Variants in TMEM196 observed in about 807,000 individuals in gnomAD.
TMEM196 encodes transmembrane protein 196.
TMEM196 carries 17 observed loss-of-function variants against 20.0 expected under a neutral mutation model. The observed-to-expected ratio is 0.85, with a 90% CI of 0.58 to 1.27. The LOEUF is 1.27. Among genes scored for constraint, TMEM196 ranks in the 50% most tolerant of loss-of-function variants. The pLI, the probability that TMEM196 is intolerant of heterozygous loss-of-function variation, is 0.00. For synonymous variants in TMEM196, 113 were observed against 88.9 expected (o/e 1.27, Z -1.52); for missense variants, 267 against 223.0 (o/e 1.20, Z -1.26).
chr7:19,732,579 A>C (rs1249235728), intron 1 of TMEM196, among the ~76,000 whole-genome samples: 1 of 132,326 alleles, frequency 7.6e-6, no homozygotes, highest in Non-Finnish European at 1.6e-5. Flanking sequence ...TCTCAAAAAA[A>C]AAAAACAAAA....
At chr7:19,766,836 G>T (rs1785651480) in intron 1 of TMEM196, among the ~76,000 whole-genome samples, 1 of 151,846 alleles carries the variant, frequency 6.6e-6, no homozygotes, top group South Asian at 2.1e-4. Flanking sequence ...AAAACCAAAT[G>T]AATATACAAA....
chr7:19,726,858 T>C (rs2128013742), intron 2 of TMEM196, among the ~76,000 whole-genome samples: 1 of 152,302 alleles, frequency 6.6e-6, no homozygotes. Flanking sequence ...TCCATTCTTC[T>C]CGGGAACACA....
intron 1 of TMEM196, among the ~76,000 whole-genome samples, chr7:19,732,801 G>T (rs758478989): frequency 1.3e-5 from 2 of 152,052 alleles, no homozygotes; most frequent in Non-Finnish European, 2.9e-5. Context: ...AAAATTAAAT[G>T]CATCTTATTT....
intron 1 of TMEM196, among the ~76,000 whole-genome samples, chr7:19,753,614 C>A (rs957729135): frequency 6.6e-6 from 1 of 152,240 alleles, no homozygotes; most frequent in Admixed American, 6.5e-5. Flanking sequence ...AATCCCCCTG[C>A]CTCTAATTCT....
At chr7:19,723,795 T>C (rs1783892589) in intron 4 of TMEM196, among the ~76,000 whole-genome samples, 2 of 152,206 alleles carry the variant, frequency 1.3e-5, no homozygotes, top group Non-Finnish European at 2.9e-5. Flanking sequence ...GGGAACTAAA[T>C]TTAAAATGCA....
chr7:19,748,821 A>C (rs778112144), intron 1 of TMEM196, among the ~76,000 whole-genome samples: 44 of 152,210 alleles, frequency 2.9e-4, no homozygotes, highest in Admixed American at 7.2e-4. Flanking sequence ...ATTTGCCTTA[A>C]ATAATTATAT....
intron 1 of TMEM196, among the ~76,000 whole-genome samples, chr7:19,758,197 TC>T (rs1785293147): frequency 6.6e-6 from 1 of 152,156 alleles, no homozygotes; most frequent in South Asian, 2.1e-4. Context: ...TCCAAATTGA[TC>T]AATAGCTCTT....
intron 1 of TMEM196, among the ~76,000 whole-genome samples, chr7:19,731,367 A>AGATGG (rs1183668932): frequency 2.0e-5 from 3 of 152,200 alleles, no homozygotes; most frequent in Non-Finnish European, 4.4e-5. Context: ...CTGTGTCCTA[A>AGATGG]GTGTAGATGA....
At chr7:19,738,418 T>C (rs1016708617) in intron 1 of TMEM196, among the ~76,000 whole-genome samples, 11 of 152,174 alleles carry the variant, frequency 7.2e-5, no homozygotes, top group African/African-American at 2.6e-4. Flanking sequence ...CATTGGCATA[T>C]ACTCATACAT....
At chr7:19,724,831 G>A (rs1375343901) in intron 3 of TMEM196, among the ~76,000 whole-genome samples, 1 of 151,990 alleles carries the variant, frequency 6.6e-6, no homozygotes, top group Non-Finnish European at 1.5e-5. Flanking sequence ...TCCAGTAGGA[G>A]AAACCGAATT....
At chr7:19,760,466 T>C (rs572631317) in intron 1 of TMEM196, among the ~76,000 whole-genome samples, 23 of 150,310 alleles carry the variant, frequency 1.5e-4, no homozygotes, top group Admixed American at 5.3e-4. Context: ...GTTCAAGCGA[T>C]TTTTCTTCCT....
intron 1 of TMEM196, among the ~76,000 whole-genome samples, chr7:19,739,433 G>A (rs1784511125): frequency 6.6e-6 from 1 of 152,056 alleles, no homozygotes; most frequent in Non-Finnish European, 1.5e-5. Flanking sequence ...AATTGCTATA[G>A]TCTGAATATT....
intron 4 of TMEM196, among the ~76,000 whole-genome samples, chr7:19,723,371 C>A (rs1783877732): frequency 6.6e-6 from 1 of 152,096 alleles, no homozygotes; most frequent in African/African-American, 2.4e-5. Flanking sequence ...GGTGCCTTTT[C>A]TCCTTCTACA....
intron 4 of TMEM196, among the ~76,000 whole-genome samples, chr7:19,723,461 A>G (rs1026682137): frequency 6.6e-6 from 1 of 152,168 alleles, no homozygotes; most frequent in African/African-American, 2.4e-5. Flanking sequence ...GAATTTAGTA[A>G]AACAATTTTT....
chr7:19,748,263 C>CAAA (rs57276805), intron 1 of TMEM196, among the ~76,000 whole-genome samples: 830 of 20,780 alleles, frequency 0.04, 170 homozygotes, highest in East Asian at 0.05. Flanking sequence ...TGTGGCTGTC[C>CAAA]AAAAAAAAAA....
At chr7:19,757,264 C>G (rs967305865) in intron 1 of TMEM196, among the ~76,000 whole-genome samples, 2 of 150,304 alleles carry the variant, frequency 1.3e-5, no homozygotes, top group African/African-American at 2.5e-5. Flanking sequence ...ACCTCCGCCT[C>G]CAAGGTTCAA....
rs372576223 is a variant in TMEM196, at chr7:19,725,625, C to T, written c.348G>A (p.Gly116=). The T allele has an allele frequency of 1.9e-6, 3 of 1,614,056 alleles. No homozygotes were observed. Among genetic ancestry groups the T allele is most frequent in the Non-Finnish European group, 2.5e-6 (3 of 1,180,000 alleles). ...TGAGCCAGGAAGAGAGAGTGCAGCC[C>T]CCGATCCCAATGCACGCGAGAGACA... ...ASMSLACIGI[G]GCTLSSWLTC... Residue 116 remains glycine (G), a synonymous_variant, in exon 3 of 5, where the codon GGG becomes GGA. Transcript: ENST00000405844.
intron 1 of TMEM196, among the ~76,000 whole-genome samples, chr7:19,771,245 A>T (rs1159487496): frequency 6.6e-6 from 1 of 152,162 alleles, no homozygotes; most frequent in Non-Finnish European, 1.5e-5. Flanking sequence ...TACATGACAA[A>T]GAACAAGATA....
chr7:19,735,849 A>G (rs1356462870), intron 1 of TMEM196, among the ~76,000 whole-genome samples: 1 of 152,174 alleles, frequency 6.6e-6, no homozygotes, highest in Non-Finnish European at 1.5e-5. Flanking sequence ...ATTAGAGGAG[A>G]TATACTCATT....
Sources: allele counts gnomAD v4.1 joint callset (sites outside exome capture counted in the v4.1 genomes callset), GRCh38; gene constraint gnomAD v4.1.1; transcripts MANE v1.5; gene names NCBI Gene and HGNC (gene_info 2026-07-23, HGNC 2026-07-21).